PDS5A: variants seen among roughly 807,000 people sequenced by gnomAD.
PDS5A encodes the protein PDS5 cohesin associated factor A.
PDS5A carries 42 observed loss-of-function variants against 167.1 expected under a neutral mutation model. The observed-to-expected ratio is 0.25, with a 90% CI of 0.20 to 0.33. The LOEUF (loss-of-function observed/expected upper bound fraction) is 0.33, where lower values mean the gene tolerates loss of function less well. Among genes scored for constraint, PDS5A ranks in the 10% least tolerant of loss-of-function variants. PDS5A has a pLI of 1.00. For missense variants in PDS5A, 1,033 were observed against 1,605.9 expected, an observed-to-expected ratio of 0.64 and a Z score of 6.10; for synonymous variants, 553 against 554.6, an observed-to-expected ratio of 1.00 and a Z score of 0.04.
chr4:39,955,428 C>T (rs1423857752), intron 2 of PDS5A, among the ~76,000 whole-genome samples: 6 of 151,702 alleles, frequency 4.0e-5, no homozygotes, highest in African/African-American at 7.3e-5. Flanking sequence ...ATGGTGAAAC[C>T]CCGTCTCTAC....
At chr4:39,961,399 G>A (rs931272811) in intron 2 of PDS5A, among the ~76,000 whole-genome samples, 1 of 152,002 alleles carries the variant, frequency 6.6e-6, no homozygotes, top group Non-Finnish European at 1.5e-5. Context: ...CAGTAGCTGG[G>A]AGGCGCCCGC....
intron 26 of PDS5A, among the ~76,000 whole-genome samples, chr4:39,858,266 CA>C (rs1196105104): frequency 6.6e-6 from 1 of 152,028 alleles, no homozygotes; most frequent in East Asian, 1.9e-4. Flanking sequence ...TATCAAAAGC[CA>C]AAACAATCTT....
chr4:39,957,044 G>GA (rs1728989772), intron 2 of PDS5A, among the ~76,000 whole-genome samples: 1 of 152,108 alleles, frequency 6.6e-6, no homozygotes, highest in Non-Finnish European at 1.5e-5. Context: ...CAATCTTCAT[G>GA]AATCTTAGGA....
At chr4:39,913,538 G>A in intron 9 of PDS5A, 73 bp downstream of exon 9, 1 of 796,776 alleles carries the variant, frequency 1.3e-6, no homozygotes, top group Non-Finnish European at 2.2e-6. Context: ...GATATGTATA[G>A]TTTTAATCAA....
At chr4:39,964,522 A>G (rs1402530238) in intron 2 of PDS5A, among the ~76,000 whole-genome samples, 4 of 152,288 alleles carry the variant, frequency 2.6e-5, no homozygotes, top group African/African-American at 9.6e-5. Flanking sequence ...TGATCAACGT[A>G]GAGCGACCCC....
chr4:39,832,864 A>T (rs1215324845), intron 32 of PDS5A, among the ~76,000 whole-genome samples: 2 of 151,944 alleles, frequency 1.3e-5, no homozygotes, highest in African/African-American at 2.4e-5. Context: ...CTCTCAAAAA[A>T]GTTTGAAGAG....
chr4:39,922,062 C>G (rs189951603), intron 6 of PDS5A, among the ~76,000 whole-genome samples: 8 of 152,144 alleles, frequency 5.3e-5, no homozygotes, highest in Admixed American at 5.2e-4. Flanking sequence ...GAGTAGAGCC[C>G]AGTGGTGGAG....
At chr4:39,931,212 CCT>C (rs1256537135) in intron 2 of PDS5A, among the ~76,000 whole-genome samples, 2 of 152,026 alleles carry the variant, frequency 1.3e-5, no homozygotes, top group African/African-American at 4.8e-5. Context: ...ACCTCAGCCC[CCT>C]GAGCAGCTGA....
At chr4:39,915,548 T>C (rs1273974848) in intron 8 of PDS5A, among the ~76,000 whole-genome samples, 1 of 151,628 alleles carries the variant, frequency 6.6e-6, no homozygotes, top group African/African-American at 2.4e-5. Flanking sequence ...TTTGTAGAGA[T>C]GGGGTGTCAC....
chr4:39,973,797 AGGTTACTTCAT>A, intron 2 of PDS5A: 2 of 1,251,840 alleles, frequency 1.6e-6, no homozygotes, highest in Non-Finnish European at 2.3e-6. Flanking sequence ...CACCTCCTTC[AGGTTACTTCAT>A]GGCAGCTATT....
intron 17 of PDS5A, 136 bp downstream of exon 17, chr4:39,890,113 G>A (rs1721832779): frequency 8.2e-6 from 4 of 484,952 alleles, no homozygotes; most frequent in Non-Finnish European, 1.1e-5. Flanking sequence ...CCTTCAACTT[G>A]AATGATGTAC....
intron 6 of PDS5A, among the ~76,000 whole-genome samples, chr4:39,920,754 C>T (rs1014034036): frequency 6.6e-6 from 1 of 152,218 alleles, no homozygotes; most frequent in Admixed American, 6.5e-5. Flanking sequence ...GTATCTTAAA[C>T]ACATACACTC....
At chr4:39,875,760 C>A (rs1357020596) in intron 19 of PDS5A, among the ~76,000 whole-genome samples, 1 of 152,156 alleles carries the variant, frequency 6.6e-6, no homozygotes, top group Non-Finnish European at 1.5e-5. Context: ...TTCCTCTCTC[C>A]TATCTGTTTA....
At chr4:39,961,006 A>G (rs1216820366) in intron 2 of PDS5A, among the ~76,000 whole-genome samples, 1 of 151,260 alleles carries the variant, frequency 6.6e-6, no homozygotes, top group African/African-American at 2.4e-5. Context: ...TATTTTTTGT[A>G]GAGGTGGGGG....
At chr4:39,850,501 G>T (rs1439623130) in intron 26 of PDS5A, among the ~76,000 whole-genome samples, 2 of 152,006 alleles carry the variant, frequency 1.3e-5, no homozygotes, top group South Asian at 4.2e-4. Flanking sequence ...CACCCTATAG[G>T]TAAGTTTACA....
intron 26 of PDS5A, among the ~76,000 whole-genome samples, chr4:39,857,840 A>T (rs948455784): frequency 6.6e-6 from 1 of 152,084 alleles, no homozygotes; most frequent in African/African-American, 2.4e-5. Flanking sequence ...TTTTCTTTTT[A>T]ATTTTTAAAA....
At chr4:39,928,963 GA>G (rs980970867) in intron 2 of PDS5A, among the ~76,000 whole-genome samples, 3 of 151,350 alleles carry the variant, frequency 2.0e-5, no homozygotes, top group Non-Finnish European at 2.9e-5. Flanking sequence ...AAAGAATCAT[GA>G]AAAAAAATAA....
chr4:39,838,739 G>A (rs2109486120), intron 31 of PDS5A, among the ~76,000 whole-genome samples: 1 of 152,138 alleles, frequency 6.6e-6, no homozygotes, highest in East Asian at 1.9e-4. Flanking sequence ...GTAATTGCAA[G>A]CCCGGCACGG....
At chr4:39,918,305 T>G (rs773819683) in intron 7 of PDS5A, among the ~76,000 whole-genome samples, 9 of 151,692 alleles carry the variant, frequency 5.9e-5, no homozygotes, top group Non-Finnish European at 1.2e-4. Context: ...AAGTCAAATA[T>G]GTTTTGACTC....
Sources: gnomAD v4.1 joint callset for allele counts (sites outside exome capture counted in the v4.1 genomes callset) on GRCh38, gnomAD v4.1.1 for gene constraint, MANE v1.5 for transcripts, NCBI Gene and HGNC (gene_info 2026-07-23, HGNC 2026-07-21) for gene names.